The following CSNK1G3 variants were observed in gnomAD, a reference collection of about 807,000 sequenced individuals.
CSNK1G3 encodes the protein casein kinase I isoform gamma-3.
CSNK1G3 carries 23 observed loss-of-function variants against 64.3 expected under a neutral mutation model. The observed-to-expected ratio is 0.36, with a 90% CI of 0.26 to 0.51. The LOEUF is 0.51. Ranked by LOEUF, CSNK1G3 falls within the 20% of genes least tolerant of loss-of-function variation. The pLI is 0.96. For missense variants in CSNK1G3, 357 were observed against 510.5 expected, an observed-to-expected ratio of 0.70 and a Z score of 2.90; for synonymous variants, 158 against 162.2, an observed-to-expected ratio of 0.97 and a Z score of 0.20.
At chr5:123,524,022 A>G (rs1393643374) in intron 1 of CSNK1G3, among the ~76,000 whole-genome samples, 2 of 152,236 alleles carry the variant, frequency 1.3e-5, no homozygotes, top group African/African-American at 4.8e-5. Flanking sequence ...GACTGCCAGA[A>G]TGCTGGAAAA....
chr5:123,594,191 A>G (rs1022961379), intron 10 of CSNK1G3, among the ~76,000 whole-genome samples: 4 of 152,162 alleles, frequency 2.6e-5, no homozygotes, highest in African/African-American at 4.8e-5. Flanking sequence ...TTTAAATAGT[A>G]TATTCTTCTC....
chr5:123,595,051 A>G, intron 10 of CSNK1G3: 2 of 1,613,696 alleles, frequency 1.2e-6, no homozygotes, highest in East Asian at 2.2e-5. Context: ...GGCAGACCAC[A>G]GGGCAGCTTG....
chr5:123,588,509 C>A, exon 8 of CSNK1G3: 1 of 1,594,432 alleles, frequency 6.3e-7, no homozygotes, highest in Middle Eastern at 1.7e-4. Flanking sequence ...GAAAATTTTC[C>A]AGGTAATGAA....
At chr5:123,611,165 C>T (rs1796267756) in intron 12 of CSNK1G3, among the ~76,000 whole-genome samples, 1 of 152,134 alleles carries the variant, frequency 6.6e-6, no homozygotes, top group African/African-American at 2.4e-5. Context: ...TCGGTAATTA[C>T]TTTTATCTTA....
chr5:123,608,352 C>T (rs1319510680), intron 12 of CSNK1G3, among the ~76,000 whole-genome samples: 2 of 152,212 alleles, frequency 1.3e-5, no homozygotes, highest in South Asian at 2.1e-4. Context: ...ACTCTATTCT[C>T]CCATATGGAA....
intron 1 of CSNK1G3, among the ~76,000 whole-genome samples, chr5:123,539,114 A>T (rs1436513264): frequency 6.6e-6 from 1 of 152,148 alleles, no homozygotes; most frequent in Admixed American, 6.6e-5. Flanking sequence ...AGTTATAGGC[A>T]TGAGCCACCA....
At chr5:123,572,865 C>T (rs1465382430) in intron 4 of CSNK1G3, among the ~76,000 whole-genome samples, 1 of 152,212 alleles carries the variant, frequency 6.6e-6, no homozygotes, top group Non-Finnish European at 1.5e-5. Context: ...GCCTTAATTA[C>T]ATTTGCCGTA....
chr5:123,548,393 A>C (rs1782956915), intron 2 of CSNK1G3, among the ~76,000 whole-genome samples: 1 of 145,836 alleles, frequency 6.9e-6, no homozygotes, highest in African/African-American at 2.5e-5. Flanking sequence ...GAGGAGTTTA[A>C]GGTTGCAGTG....
At chr5:123,603,188 G>A (rs1794781468) in intron 10 of CSNK1G3, among the ~76,000 whole-genome samples, 1 of 152,074 alleles carries the variant, frequency 6.6e-6, no homozygotes, top group South Asian at 2.1e-4. Flanking sequence ...GAGTTCTTAT[G>A]TAGGGTTGGA....
At position 123,601,223 on chromosome 5, in the gene CSNK1G3, A is replaced by G. The variant is rs187395442; in HGVS notation, c.1087-3501A>G. 2.2e-3 allele frequency among the ~76,000 whole-genome samples: 338 copies of G among 152,302 alleles called. 1 individual carries two copies. Among genetic ancestry groups the G allele is most frequent in the Middle Eastern group, 6.8e-3 (2 of 294 alleles). On this transcript the variant is annotated intron_variant, in intron 10 of 12. Transcript: ENST00000345990. ...GATTGTTTTAGCCTTCCAGGAGTAT[A>G]ATGATATATTATTTACAGTAGTATA...
At chr5:123,582,347 T>C (rs369356875) in intron 6 of CSNK1G3, among the ~76,000 whole-genome samples, 23 of 152,284 alleles carry the variant, frequency 1.5e-4, no homozygotes, top group African/African-American at 5.1e-4. Context: ...CCTCCACTTA[T>C]TAGGTACCTA....
At chr5:123,534,876 A>G (rs1231425793) in intron 1 of CSNK1G3, among the ~76,000 whole-genome samples, 1 of 152,094 alleles carries the variant, frequency 6.6e-6, no homozygotes, top group Non-Finnish European at 1.5e-5. Flanking sequence ...GTAATAGAAA[A>G]CTAATACATT....
At chr5:123,525,170 A>T (rs1778818783) in intron 1 of CSNK1G3, among the ~76,000 whole-genome samples, 1 of 151,182 alleles carries the variant, frequency 6.6e-6, no homozygotes, top group Admixed American at 6.6e-5. Context: ...TGCCTTTAGC[A>T]CATAATAGGT....
chr5:123,547,555 C>G (rs12655826), intron 2 of CSNK1G3, among the ~76,000 whole-genome samples: 1 of 151,932 alleles, frequency 6.6e-6, no homozygotes, highest in Non-Finnish European at 1.5e-5. Context: ...CTATATATGT[C>G]ATATACTGAA....
intron 8 of CSNK1G3, 74 bp from the exon 9 acceptor site, chr5:123,590,336 G>A (rs1581322719): frequency 1.5e-6 from 1 of 662,680 alleles, no homozygotes; most frequent in Non-Finnish European, 2.2e-6. Context: ...AATACAATGT[G>A]CTTTTAGATA....
chr5:123,583,300 G>T (rs1431344989), intron 6 of CSNK1G3, among the ~76,000 whole-genome samples: 1 of 150,370 alleles, frequency 6.7e-6, no homozygotes, highest in Non-Finnish European at 1.5e-5. Context: ...TAATGCTGTT[G>T]TAAAGGTATT....
chr5:123,539,345 T>C (rs1371194937), intron 1 of CSNK1G3, among the ~76,000 whole-genome samples: 1 of 149,854 alleles, frequency 6.7e-6, no homozygotes, highest in Non-Finnish European at 1.5e-5. Context: ...CTCGGGAGGC[T>C]GGGGTGGGAA....
At chr5:123,595,189 T>A in intron 10 of CSNK1G3, 55 bp downstream of exon 11, 1 of 1,392,970 alleles carries the variant, frequency 7.2e-7, no homozygotes, top group Non-Finnish European at 1.0e-6. Context: ...CAACTAACCC[T>A]TTTTTTTGGA....
At chr5:123,584,368 A>G (rs1260030929) in intron 6 of CSNK1G3, among the ~76,000 whole-genome samples, 1 of 152,160 alleles carries the variant, frequency 6.6e-6, no homozygotes, top group Non-Finnish European at 1.5e-5. Context: ...AAAATCATTA[A>G]TACGTGTTGG....
Sources: allele counts gnomAD v4.1 joint callset (sites outside exome capture counted in the v4.1 genomes callset), GRCh38; gene constraint gnomAD v4.1.1; transcripts MANE v1.5; gene names NCBI Gene and HGNC (gene_info 2026-07-23, HGNC 2026-07-21).